THTPA: variants seen among roughly 807,000 people sequenced by gnomAD.
The protein encoded by THTPA is thiamine triphosphatase, also known as thiamine-triphosphatase.
In THTPA, 16 loss-of-function variants were observed where a neutral mutation model predicts 16.5. The ratio of observed to expected loss-of-function variants is 0.97; its 90% confidence interval spans 0.66 to 1.47. The LOEUF (loss-of-function observed/expected upper bound fraction) is 1.47. Ranked by LOEUF, THTPA falls within the 40% of genes most tolerant of loss-of-function variation. The pLI, the probability that THTPA is intolerant of heterozygous loss-of-function variation, is 0.00. For synonymous variants in THTPA, 110 were observed against 115.5 expected (o/e 0.95, Z 0.30); for missense variants, 281 against 280.9 (o/e 1.00, Z 0.00).
chr14:23,541,946 A>G, the THTPA span, among the ~76,000 whole-genome samples: 1 of 152,184 alleles, frequency 6.6e-6, no homozygotes, highest in Non-Finnish European at 1.5e-5. Flanking sequence ...AGGAGAGCTT[A>G]CTTTGTGCAA....
At chr14:23,542,703 C>T in the THTPA span, among the ~76,000 whole-genome samples, 1 of 151,932 alleles carries the variant, frequency 6.6e-6, no homozygotes, top group African/African-American at 2.4e-5. Flanking sequence ...CATGGGGGAC[C>T]GCTGAAGAAT....
At position 23,557,068 on chromosome 14, in the gene THTPA, G is replaced by A; in HGVS notation, c.311G>A (p.Gly104Glu). The A allele has an allele frequency of 1.2e-6, 2 of 1,614,260 alleles. No homozygotes were observed. Among genetic ancestry groups the A allele is most frequent in the Non-Finnish European group, 1.7e-6 (2 of 1,180,054 alleles). Residue 104 changes from glycine (G) to glutamate (E), a missense_variant, in exon 1 of 2, where the codon GGA becomes GAA. By Grantham distance (98) the Gly-to-Glu change is moderately conservative (BLOSUM62 -2). Transcript: ENST00000288014. Reference protein sequence around the residue: ...KVLRADGLGAGDVAAVLGPLG... With the variant: ...KVLRADGLGAEDVAAVLGPLG... ...CTGCGGGCTGACGGCCTGGGGGCTG[G>A]AGATGTGGCTGCTGTGCTGGGCCCA...
the THTPA span, chr14:23,521,796 C>T: frequency 1.6e-6 from 2 of 1,246,482 alleles, no homozygotes; most frequent in South Asian, 1.6e-5. Context: ...CAGGACTCTG[C>T]TGGAAGTGGG....
the THTPA span, chr14:23,512,795 G>A: frequency 6.6e-6 from 1 of 150,778 alleles, no homozygotes; most frequent in Non-Finnish European, 1.5e-5. Flanking sequence ...CACCCGTTCT[G>A]GTGTGAGGGC....
At chr14:23,532,497 A>G in the THTPA span, 20 of 1,398,990 alleles carry the variant, frequency 1.4e-5, no homozygotes, top group East Asian at 1.8e-4. Context: ...TCACTTTCTT[A>G]TTCTGCATCT....
At chr14:23,528,661 A>G in the THTPA span, 1 of 985,128 alleles carries the variant, frequency 1.0e-6, no homozygotes, top group Non-Finnish European at 1.2e-6. Flanking sequence ...ATCCTCCCTC[A>G]GGCTCAGCAG....
the THTPA span, chr14:23,526,166 T>C: frequency 2.0e-6 from 3 of 1,536,530 alleles, no homozygotes; most frequent in Non-Finnish European, 2.6e-6. Flanking sequence ...GGTGGAGCTC[T>C]GGTTGTAGGA....
At chr14:23,523,553 G>A in the THTPA span, 2 of 1,537,342 alleles carry the variant, frequency 1.3e-6, no homozygotes, top group African/African-American at 1.4e-5. This position sits in a 1 kb window ranked among gnomAD's most constrained non-coding sequence, Gnocchi z 4.1. Flanking sequence ...AGTGCTCCCA[G>A]CGGCTGTCCC....
chr14:23,525,245 T>G, the THTPA span: 3 of 1,536,070 alleles, frequency 2.0e-6, no homozygotes, highest in Middle Eastern at 3.3e-4. The surrounding 1 kb of genome is among the most constrained non-coding windows in gnomAD (Gnocchi z 5.9). Context: ...ACTTCGCTCT[T>G]CAGGGGCACG....
the THTPA span, among the ~76,000 whole-genome samples, chr14:23,549,345 C>T: frequency 6.6e-6 from 1 of 152,120 alleles, no homozygotes; most frequent in African/African-American, 2.4e-5. Flanking sequence ...CTGTTCACCT[C>T]TGAAATCGTC....
chr14:23,531,717 A>G, the THTPA span: 1 of 1,356,296 alleles, frequency 7.4e-7, no homozygotes, highest in South Asian at 1.9e-5. Context: ...CATGTCCAGC[A>G]GAAACTAGAA....
chr14:23,534,461 T>TGA, the THTPA span: 1 of 1,536,364 alleles, frequency 6.5e-7, no homozygotes, highest in Non-Finnish European at 8.7e-7. The surrounding 1 kb of genome is among the most constrained non-coding windows in gnomAD (Gnocchi z 4.5). Flanking sequence ...AGAAAGCTTA[T>TGA]GAGGGCCTTG....
chr14:23,533,370 C>T, the THTPA span: 3 of 1,448,876 alleles, frequency 2.1e-6, no homozygotes, highest in Admixed American at 8.1e-5. The surrounding 1 kb of genome is among the most constrained non-coding windows in gnomAD (Gnocchi z 4.8). Context: ...TGTCTGGCCT[C>T]AGCCCCGGGC....
At chr14:23,517,013 T>C in the THTPA span, among the ~76,000 whole-genome samples, 3 of 152,196 alleles carry the variant, frequency 2.0e-5, no homozygotes, top group South Asian at 6.2e-4. Context: ...CCCCTCTTCT[T>C]GGACAGGTTC....
chr14:23,520,246 C>T, the THTPA span, among the ~76,000 whole-genome samples: 1 of 152,130 alleles, frequency 6.6e-6, no homozygotes, highest in African/African-American at 2.4e-5. The surrounding 1 kb of genome is among the most constrained non-coding windows in gnomAD (Gnocchi z 8.7). Context: ...CGGGTCCCGA[C>T]TCCCTTGGGG....
the THTPA span, chr14:23,525,530 G>T: frequency 6.5e-7 from 1 of 1,535,660 alleles, no homozygotes; most frequent in Admixed American, 2.0e-5. This position sits in a 1 kb window ranked among gnomAD's most constrained non-coding sequence, Gnocchi z 5.9. Flanking sequence ...GAGGGCCTCA[G>T]GTGGGGGTGG....
the THTPA span, among the ~76,000 whole-genome samples, chr14:23,527,286 C>T: frequency 1.3e-5 from 2 of 152,238 alleles, no homozygotes; most frequent in Non-Finnish European, 2.9e-5. Flanking sequence ...ACAGAAGCCT[C>T]TGCCTCATCT....
At chr14:23,523,074 C>T in the THTPA span, 1 of 1,403,758 alleles carries the variant, frequency 7.1e-7, no homozygotes, top group Non-Finnish European at 9.2e-7. The surrounding 1 kb of genome is among the most constrained non-coding windows in gnomAD (Gnocchi z 4.1). Flanking sequence ...CCTTCTTTCC[C>T]CCAAGAGCCT....
chr14:23,534,641 C>G, the THTPA span: 166 of 1,536,168 alleles, frequency 1.1e-4, 1 homozygote, highest in South Asian at 1.8e-3. This position sits in a 1 kb window ranked among gnomAD's most constrained non-coding sequence, Gnocchi z 4.5. Flanking sequence ...TGGTTGCCCC[C>G]GCTGTTCCCC....
Sources: allele counts gnomAD v4.1 joint callset (sites outside exome capture counted in the v4.1 genomes callset), GRCh38; gene constraint gnomAD v4.1.1; non-coding constraint Gnocchi (gnomAD v3.1); transcripts MANE v1.5; gene names NCBI Gene and HGNC (gene_info 2026-07-23, HGNC 2026-07-21).